Variants in ARFGEF2 observed in about 807,000 individuals in gnomAD.
The protein encoded by ARFGEF2 is brefeldin A-inhibited guanine nucleotide-exchange protein 2.
A neutral mutation model predicts 219.9 loss-of-function variants in ARFGEF2; 74 were observed. That is an observed-to-expected ratio of 0.34 (90% CI 0.28 to 0.41). The LOEUF (loss-of-function observed/expected upper bound fraction) is 0.41. ARFGEF2 is among the 10% of genes least tolerant of loss of function. The pLI, the probability that ARFGEF2 is intolerant of heterozygous loss-of-function variation, is 1.00. For synonymous variants in ARFGEF2, 733 were observed against 799.2 expected (o/e 0.92, Z 1.40); for missense variants, 1,743 against 2,218.3 (o/e 0.79, Z 4.30).
intron 7 of ARFGEF2, among the ~76,000 whole-genome samples, chr20:48,964,163 C>G (rs1406244078): frequency 6.6e-6 from 1 of 152,216 alleles, no homozygotes; most frequent in Non-Finnish European, 1.5e-5. Context: ...AATCCCAGCT[C>G]TTTGGGAGGC....
rs1473147032 is a variant in ARFGEF2, at chr20:49,020,848, A to G, written c.4624+1850A>G. Among the ~76,000 whole-genome samples, 3 of 152,294 alleles carry G rather than the reference A, an allele frequency of 2.0e-5. No homozygotes were observed. The East Asian group carries it at 5.8e-4, about 29-fold the overall frequency. ...AGCACTCTCCGTGCAGTGAGAGTCTACACTCTGAGAAGTACCTAGGACTCA... is the reference window on the plus strand; with the variant it reads ...AGCACTCTCCGTGCAGTGAGAGTCTGCACTCTGAGAAGTACCTAGGACTCA... On this transcript the variant is annotated intron_variant, in intron 34 of 38. Transcript: ENST00000371917.
At chr20:48,946,667 G>A (rs1001925119) in intron 3 of ARFGEF2, among the ~76,000 whole-genome samples, 13 of 150,356 alleles carry the variant, frequency 8.6e-5, no homozygotes, top group Non-Finnish European at 1.6e-4. Context: ...CTGGGACCAC[G>A]GGCTAATTTT....
In ARFGEF2 at chr20:49,012,018, T is replaced by C. The variant is rs2091502786; in HGVS notation, c.3852T>C (p.Pro1284=). 2 of 1,614,136 alleles carry C rather than the reference T, an allele frequency of 1.2e-6. No individual in the cohort carries two copies. Among genetic ancestry groups the C allele is most frequent in the African/African-American group, 2.7e-5 (2 of 74,944 alleles). The change falls in exon 28 of 39, where the codon CCT becomes CCC. Residue 1284 remains proline, a synonymous_variant. Coordinates refer to ENST00000371917, the MANE Select transcript of ARFGEF2 (RefSeq NM_006420.3). The part of the protein sequence containing the change: ...LSEFACNAAF[P]DTSMEAIRLI... Reference sequence around the variant, plus strand: ...AGTTCGCCTGCAACGCCGCTTTCCCTGACACGAGCATGGAAGCGATTCGGC... The same window carrying C: ...AGTTCGCCTGCAACGCCGCTTTCCCCGACACGAGCATGGAAGCGATTCGGC...
At chr20:48,940,311 A>G (rs980444748) in intron 1 of ARFGEF2, among the ~76,000 whole-genome samples, 2 of 152,230 alleles carry the variant, frequency 1.3e-5, no homozygotes, top group Non-Finnish European at 2.9e-5. Flanking sequence ...GATGGTTAAG[A>G]TGGTAAATTT....
At chr20:48,969,893 T>G (rs2091214179) in intron 9 of ARFGEF2, among the ~76,000 whole-genome samples, 1 of 152,236 alleles carries the variant, frequency 6.6e-6, no homozygotes, top group Non-Finnish European at 1.5e-5. Flanking sequence ...ATTGATTAAA[T>G]GAAATATCGG....
chr20:48,925,626 A>G (rs1881033762), intron 1 of ARFGEF2, among the ~76,000 whole-genome samples: 1 of 152,192 alleles, frequency 6.6e-6, no homozygotes, highest in Non-Finnish European at 1.5e-5. Flanking sequence ...GCATGAGCCC[A>G]GGAGTTTGAG....
intron 14 of ARFGEF2, 73 bp downstream of exon 14, chr20:48,976,272 C>A: frequency 6.4e-7 from 1 of 1,565,658 alleles, no homozygotes; most frequent in Non-Finnish European, 8.7e-7. Context: ...GGAACTGATT[C>A]CTAAAAAGGA....
In ARFGEF2 at chr20:48,989,317, T is replaced by C. The variant is rs2091344110; in HGVS notation, c.2566T>C (p.Tyr856His). 6.2e-7 allele frequency: 1 copy of C among 1,614,154 alleles called. No homozygotes were observed. The highest frequency in any genetic ancestry group is 8.5e-7 in the Non-Finnish European group (1 of 1,180,014). ...VASEKQRRLL[Y>H]NLEMEQMAKT... ...TAGTGAAAAGCAGCGGCGGCTGCTG[T>C]ACAACTTAGAGATGGAGCAAATGGC... is the stretch of plus-strand genomic sequence containing the variant. Residue 856 changes from tyrosine (Y) to histidine (H), a missense_variant, in exon 19 of 39, where the codon TAC becomes CAC. Coordinates refer to ENST00000371917, the MANE Select transcript of ARFGEF2 (RefSeq NM_006420.3).
rs986791767 is a variant in ARFGEF2, at chr20:48,963,917, C to T, written c.907+19C>T. 1 of 1,611,900 alleles carries T rather than the reference C, an allele frequency of 6.2e-7. No individual in the cohort carries two copies. The highest frequency in any genetic ancestry group is 1.3e-5 in the African/African-American group (1 of 74,880). On this transcript the variant is annotated intron_variant, in intron 7 of 38. Transcript: ENST00000371917. ...ATTAAAGGTAAGAACCAAGGACAAC[C>T]CAGCCTTTCCTCTTCCCTCATTCCT...
At chr20:48,961,109 T>TAATA (rs2091147590) in intron 6 of ARFGEF2, among the ~76,000 whole-genome samples, 1 of 149,038 alleles carries the variant, frequency 6.7e-6, no homozygotes, top group East Asian at 2.0e-4. Context: ...ATAATAATAA[T>TAATA]AATTTTCTTT....
intron 20 of ARFGEF2, among the ~76,000 whole-genome samples, chr20:48,990,615 A>C: frequency 6.6e-6 from 1 of 152,116 alleles, no homozygotes; most frequent in Non-Finnish European, 1.5e-5. Flanking sequence ...TCAAGACCCC[A>C]CTCTGCCACC....
At chr20:49,020,166 T>C (rs886828947) in intron 34 of ARFGEF2, among the ~76,000 whole-genome samples, 2 of 152,182 alleles carry the variant, frequency 1.3e-5, no homozygotes, top group Admixed American at 6.5e-5. Flanking sequence ...CTTGTGAAGG[T>C]TGTTCTGGTC....
chr20:48,931,007 A>G (rs767198275), intron 1 of ARFGEF2, among the ~76,000 whole-genome samples: 9 of 152,228 alleles, frequency 5.9e-5, no homozygotes, highest in Non-Finnish European at 8.8e-5. Context: ...GTGAAATGCT[A>G]CAGAGAGGTC....
Position 49,019,018 on chromosome 20 carries a change from TG to T in ARFGEF2, c.4624+21del. On this transcript the variant is annotated intron_variant, in intron 34 of 38. Coordinates refer to ENST00000371917, the MANE Select transcript of ARFGEF2 (RefSeq NM_006420.3). The stretch of plus-strand genomic sequence containing the variant: ...ACGCAAGTAAGGCCACTTTTTAATT[TG>T]TTTTAAATAAGTAACATGTTTATGT... 2 of 1,578,980 alleles carry T rather than the reference TG, an allele frequency of 1.3e-6. No homozygotes were observed. The highest frequency in any genetic ancestry group is 1.7e-6 in the Non-Finnish European group (2 of 1,149,648).
rs1383152659 is a variant in ARFGEF2, at chr20:49,033,924, A to T, written c.*725A>T. Reference sequence around the variant, plus strand: ...ACATGGAGAGAAAAAGTCTACACGAAAAAGTGAACAATTTAATGAAGATGA... The same window carrying T: ...ACATGGAGAGAAAAAGTCTACACGATAAAGTGAACAATTTAATGAAGATGA... On this transcript the variant is annotated 3_prime_UTR_variant, in exon 39 of 39. Coordinates refer to ENST00000371917, the MANE Select transcript of ARFGEF2 (RefSeq NM_006420.3). 4 of 152,314 alleles carry T rather than the reference A, an allele frequency of 2.6e-5. No individual in the cohort carries two copies. Among genetic ancestry groups the T allele is most frequent in the Non-Finnish European group, 4.4e-5 (3 of 68,046 alleles). The allele number at this position is 152,314 out of a possible 1,614,324, so 9.4% of individuals were successfully genotyped here.
rs2090995175 is a variant in ARFGEF2, at chr20:48,941,891, A to C, written c.180A>C (p.Ala60=). The C allele has an allele frequency of 6.2e-7, 1 of 1,614,124 alleles. No individual in the cohort carries two copies. The highest frequency in any genetic ancestry group is 1.3e-5 in the African/African-American group (1 of 74,948). The change falls in exon 3 of 39, where the codon GCA becomes GCC. Residue 60 remains alanine (A), a synonymous_variant. Coordinates refer to ENST00000371917, the MANE Select transcript of ARFGEF2 (RefSeq NM_006420.3). ...TTGGCACTGCTGCACCACCAAAGGC[A>C]AACTTCATTGAAGCTGACAAGTATT... is the stretch of plus-strand genomic sequence containing the variant. ...QRLGTAAPPK[A]NFIEADKYFL...
intron 4 of ARFGEF2, among the ~76,000 whole-genome samples, 167 bp downstream of exon 4, chr20:48,951,636 G>A (rs1046149235): frequency 3.9e-5 from 6 of 152,298 alleles, no homozygotes; most frequent in South Asian, 2.1e-4. Flanking sequence ...ATTTATTAGC[G>A]TGGACTGAGA....
intron 9 of ARFGEF2, 80 bp from the exon 10 acceptor site, chr20:48,971,040 G>C (rs956290593): frequency 3.9e-5 from 45 of 1,164,840 alleles, no homozygotes; most frequent in Non-Finnish European, 5.8e-5. Flanking sequence ...CATTGGTAAA[G>C]GAGCAAGGCC....
At chr20:48,949,209 G>A (rs2091049706) in intron 3 of ARFGEF2, among the ~76,000 whole-genome samples, 1 of 152,130 alleles carries the variant, frequency 6.6e-6, no homozygotes, top group Admixed American at 6.5e-5. Context: ...GATACTTTCT[G>A]TCCTTTTCAT....
Sources: gnomAD v4.1 joint callset for allele counts (sites outside exome capture counted in the v4.1 genomes callset) on GRCh38, gnomAD v4.1.1 for gene constraint, MANE v1.5 for transcripts, NCBI Gene and HGNC (gene_info 2026-07-23, HGNC 2026-07-21) for gene names.